EMCN: variants seen among roughly 807,000 people sequenced by gnomAD.
EMCN encodes the protein endomucin.
EMCN carries 37 observed loss-of-function variants against 38.4 expected under a neutral mutation model. That is an observed-to-expected ratio of 0.96 (90% CI 0.74 to 1.27). The LOEUF (loss-of-function observed/expected upper bound fraction) is 1.27, where lower values mean the gene tolerates loss of function less well. Among genes scored for constraint, EMCN ranks in the 50% most tolerant of loss-of-function variants. The pLI is 0.00. For synonymous variants in EMCN, 95 were observed against 100.8 expected (o/e 0.94, Z 0.35); for missense variants, 318 against 302.8 (o/e 1.05, Z -0.37).
Position 100,398,005 on chromosome 4 carries a change from C to T in EMCN, c.*408G>A, listed in dbSNP as rs1331900063. The T allele has an allele frequency of 6.6e-6, 1 of 151,916 alleles. No homozygotes were observed. The allele number at this position is 151,916 out of a possible 1,614,324, so 9.4% of individuals were successfully genotyped here. A position where few individuals can be genotyped will look rare whatever the true frequency, so the allele number is the denominator to read the frequency against. On this transcript the variant is annotated 3_prime_UTR_variant, in exon 12 of 12. Coordinates refer to ENST00000296420, the MANE Select transcript of EMCN (RefSeq NM_016242.4). ...ATACTAACAGTAGGTAATATAAGAACACTGAGAAAAGTAGGAAAGTCTTCA... is the reference window on the plus strand; with the variant it reads ...ATACTAACAGTAGGTAATATAAGAATACTGAGAAAAGTAGGAAAGTCTTCA...
chr4:100,420,311 C>A (rs1726852442), intron 8 of EMCN, among the ~76,000 whole-genome samples: 1 of 151,122 alleles, frequency 6.6e-6, no homozygotes, highest in South Asian at 2.1e-4. Flanking sequence ...AGAATTCATT[C>A]TGCTTGAAGA....
chr4:100,419,348 T>G (rs1009018211), intron 8 of EMCN, among the ~76,000 whole-genome samples: 4 of 152,094 alleles, frequency 2.6e-5, no homozygotes, highest in African/African-American at 9.7e-5. Flanking sequence ...TGGTGCTAAT[T>G]TAATGATAAC....
At chr4:100,514,427 T>G in intron 1 of EMCN, among the ~76,000 whole-genome samples, 1 of 152,092 alleles carries the variant, frequency 6.6e-6, no homozygotes, top group East Asian at 1.9e-4. Flanking sequence ...TGACACACTC[T>G]CAGACTTGCA....
At position 100,441,528 on chromosome 4, in the gene EMCN, C is replaced by G. The variant is rs566655526; in HGVS notation, c.415+6005G>C. On this transcript the variant is annotated intron_variant, in intron 5 of 11. Coordinates refer to ENST00000296420, the MANE Select transcript of EMCN (RefSeq NM_016242.4). ...AGGTCATTATTGATAGGTAAGGACT[C>G]ATTGCTGTCATTTTGTTATTTGTTT... 3.3e-5 allele frequency among the ~76,000 whole-genome samples: 5 copies of G among 152,246 alleles called. No homozygotes were observed. In the East Asian group the frequency reaches 9.6e-4, roughly 29 times the overall value.
chr4:100,435,851 T>A (rs1286963851), intron 5 of EMCN, among the ~76,000 whole-genome samples: 1 of 152,156 alleles, frequency 6.6e-6, no homozygotes, highest in African/African-American at 2.4e-5. Context: ...CTGGACCCCT[T>A]CCTTATACCT....
At chr4:100,446,219 T>G (rs1012337319) in intron 5 of EMCN, 2 of 985,164 alleles carry the variant, frequency 2.0e-6, no homozygotes, top group Non-Finnish European at 2.4e-6. Flanking sequence ...GTTTTGCTGT[T>G]TTTCCTCTAG....
chr4:100,507,246 G>A (rs187309486), intron 1 of EMCN, among the ~76,000 whole-genome samples: 2 of 152,204 alleles, frequency 1.3e-5, no homozygotes, highest in African/African-American at 2.4e-5. Context: ...GCCTCTTTGC[G>A]AGGAGATTGT....
At chr4:100,416,758 C>T (rs976350281) in intron 9 of EMCN, among the ~76,000 whole-genome samples, 4 of 152,262 alleles carry the variant, frequency 2.6e-5, no homozygotes, top group Admixed American at 2.6e-4. Context: ...CTTAAAGGCA[C>T]TGAGAACTGG....
chr4:100,507,377 A>T (rs1729506859), intron 1 of EMCN, among the ~76,000 whole-genome samples: 1 of 152,208 alleles, frequency 6.6e-6, no homozygotes, highest in South Asian at 2.1e-4. Flanking sequence ...GCAAAAAATA[A>T]TAATAATAAT....
At chr4:100,400,367 T>G (rs1172828178) in intron 11 of EMCN, among the ~76,000 whole-genome samples, 1 of 150,080 alleles carries the variant, frequency 6.7e-6, no homozygotes, top group Non-Finnish European at 1.5e-5. Context: ...TTTTTTTTTG[T>G]TTTTTGTTTT....
intron 5 of EMCN, among the ~76,000 whole-genome samples, chr4:100,429,927 TTC>T (rs1484025901): frequency 6.6e-6 from 1 of 152,158 alleles, no homozygotes; most frequent in Non-Finnish European, 1.5e-5. Flanking sequence ...TCAAAACCCT[TTC>T]TGTTTTCTTT....
chr4:100,473,975 T>G (rs187167600), intron 3 of EMCN: 1 of 152,980 alleles, frequency 6.5e-6, no homozygotes, highest in Non-Finnish European at 1.5e-5. Flanking sequence ...AAAGCCAAAC[T>G]TGCACCAAAT....
intron 5 of EMCN, among the ~76,000 whole-genome samples, chr4:100,430,370 A>T (rs1325672838): frequency 6.6e-6 from 1 of 151,902 alleles, no homozygotes; most frequent in Non-Finnish European, 1.5e-5. Context: ...TAAGGACATG[A>T]CTCTTATTTT....
intron 8 of EMCN, among the ~76,000 whole-genome samples, chr4:100,419,387 A>C (rs1406390527): frequency 6.6e-6 from 1 of 152,122 alleles, no homozygotes; most frequent in Non-Finnish European, 1.5e-5. Flanking sequence ...TCAGAAACAA[A>C]GTTAACAACA....
intron 5 of EMCN, among the ~76,000 whole-genome samples, chr4:100,427,194 G>A (rs1443256736): frequency 6.6e-6 from 1 of 152,054 alleles, no homozygotes; most frequent in Non-Finnish European, 1.5e-5. Context: ...CAATAGAATA[G>A]AGCAGACTAT....
intron 1 of EMCN, among the ~76,000 whole-genome samples, chr4:100,492,560 T>A (rs185051479): frequency 6.6e-6 from 1 of 152,286 alleles, no homozygotes; most frequent in African/African-American, 2.4e-5. Context: ...GAAGTGCAGA[T>A]GTCTTAAATC....
intron 5 of EMCN, among the ~76,000 whole-genome samples, chr4:100,441,089 A>C (rs2110236821): frequency 6.7e-6 from 1 of 149,454 alleles, no homozygotes; most frequent in African/African-American, 2.4e-5. Flanking sequence ...CTCTGTCTCA[A>C]AAAAAAAAAA....
chr4:100,448,209 A>T (rs566612694), intron 4 of EMCN, among the ~76,000 whole-genome samples: 1 of 152,272 alleles, frequency 6.6e-6, no homozygotes, highest in South Asian at 2.1e-4. Flanking sequence ...TGGAAGAATT[A>T]TAATCAAAGA....
chr4:100,432,777 A>G (rs1727238276), intron 5 of EMCN, among the ~76,000 whole-genome samples: 1 of 152,184 alleles, frequency 6.6e-6, no homozygotes, highest in South Asian at 2.1e-4. Flanking sequence ...TGATCAATTG[A>G]TCATTTCCAC....
Sources: gnomAD v4.1 joint callset for allele counts (sites outside exome capture counted in the v4.1 genomes callset) on GRCh38, gnomAD v4.1.1 for gene constraint, MANE v1.5 for transcripts, NCBI Gene and HGNC (gene_info 2026-07-23, HGNC 2026-07-21) for gene names.